Variants in CLIC4 observed in about 807,000 individuals in gnomAD.
CLIC4 encodes chloride intracellular channel protein 4.
Under a neutral mutation model 24.6 loss-of-function variants are expected in CLIC4, and 13 were observed. The observed-to-expected ratio is 0.53, with a 90% confidence interval of 0.34 to 0.84. The LOEUF (loss-of-function observed/expected upper bound fraction) is 0.84. Among genes scored for constraint, CLIC4 ranks in the 40% least tolerant of loss-of-function variants. The pLI is 0.01. For synonymous variants in CLIC4, 104 were observed against 111.3 expected, an observed-to-expected ratio of 0.93 and a Z score of 0.41; for missense variants, 227 against 301.7, an observed-to-expected ratio of 0.75 and a Z score of 1.83.
At chr1:24,821,934 T>C (rs1410491139) in intron 3 of CLIC4, among the ~76,000 whole-genome samples, 1 of 152,176 alleles carries the variant, frequency 6.6e-6, no homozygotes, top group Non-Finnish European at 1.5e-5. Flanking sequence ...TTAATAACAC[T>C]CAAGTACTAA....
In CLIC4 at chr1:24,843,328, G is replaced by A. The variant is rs1160498089; in HGVS notation, c.*2391G>A. 1.3e-5 allele frequency: 2 copies of A among 152,176 alleles called. No individual in the cohort carries two copies. The highest frequency in any genetic ancestry group is 3.8e-4 in the East Asian group (2 of 5,200). 9.4% of individuals were successfully genotyped at this position (152,176 alleles called of 1,614,324 possible). On this transcript the variant is annotated 3_prime_UTR_variant, in exon 6 of 6. Transcript: ENST00000374379. The stretch of plus-strand genomic sequence containing the variant: ...TGGAAAGAGCATAGTTTAACATCTT[G>A]AGAAATTTGGGACATAAAGTTTTCA...
intron 1 of CLIC4, among the ~76,000 whole-genome samples, chr1:24,751,302 C>T (rs767192485): frequency 1.2e-4 from 18 of 150,682 alleles, no homozygotes; most frequent in Non-Finnish European, 2.2e-4. Context: ...CTCTGTCTCC[C>T]GAGTTCAAGC....
chr1:24,774,206 G>A lies in CLIC4; in HGVS notation c.73-23536G>A, dbSNP rs1213755245. On this transcript the variant is annotated intron_variant, in intron 1 of 5. Transcript: ENST00000374379. ...GCCCAGGCTGGTCTTAAACTCCTGA[G>A]CTCAGGCAGTCCGCCTGCCTTGGCC... 3.9e-5 allele frequency among the ~76,000 whole-genome samples: 6 copies of A among 152,050 alleles called. No homozygotes were observed. In the East Asian group the frequency reaches 1.2e-3, roughly 30 times the overall value.
chr1:24,799,379 C>G (rs1012338176), intron 2 of CLIC4, among the ~76,000 whole-genome samples: 1 of 151,736 alleles, frequency 6.6e-6, no homozygotes, highest in Non-Finnish European at 1.5e-5. Context: ...GTCCGGCCGC[C>G]CCGTCTGAGA....
intron 1 of CLIC4, among the ~76,000 whole-genome samples, chr1:24,775,224 C>CTTTCTTTTTT (rs1639119913): frequency 1.1e-5 from 1 of 90,666 alleles, no homozygotes; most frequent in Non-Finnish European, 2.1e-5. Flanking sequence ...TTCTTTCTTT[C>CTTTCTTTTTT]TTTTTTTTTT....
intron 1 of CLIC4, among the ~76,000 whole-genome samples, chr1:24,772,511 A>C (rs1483902581): frequency 6.6e-6 from 1 of 152,200 alleles, no homozygotes; most frequent in Non-Finnish European, 1.5e-5. Context: ...AGAGAGACGG[A>C]GTCTTGCTCT....
chr1:24,841,915 G>A lies in CLIC4; in HGVS notation c.*978G>A, dbSNP rs1383206546. ...TAACACAGAAATTAACCTAAGGAAT[G>A]AAGGGTGGGTTTGTCAAAATATCAA... On this transcript the variant is annotated 3_prime_UTR_variant, in exon 6 of 6. Transcript: ENST00000374379. 6.6e-6 allele frequency: 1 copy of A among 152,624 alleles called. No homozygotes were observed. The highest frequency in any genetic ancestry group is 2.4e-5 in the African/African-American group (1 of 41,444). The allele number at this position is 152,624 out of a possible 1,614,324, so 9.5% of individuals were successfully genotyped here. A position where few individuals can be genotyped will look rare whatever the true frequency, so the allele number is the denominator to read the frequency against.
chr1:24,784,067 G>A (rs1051465556), intron 1 of CLIC4, among the ~76,000 whole-genome samples: 7 of 150,290 alleles, frequency 4.7e-5, no homozygotes, highest in African/African-American at 1.7e-4. Context: ...TATCTTCAGA[G>A]TTTTTCCACA....
intron 1 of CLIC4, among the ~76,000 whole-genome samples, chr1:24,795,943 C>T (rs542697740): frequency 7.9e-5 from 12 of 152,186 alleles, no homozygotes; most frequent in Middle Eastern, 3.4e-3. Context: ...CTTTGCCTTA[C>T]GAAGAATACT....
chr1:24,826,702 C>T (rs116350385), intron 3 of CLIC4, among the ~76,000 whole-genome samples: 1 of 152,188 alleles, frequency 6.6e-6, no homozygotes, highest in African/African-American at 2.4e-5. Flanking sequence ...TTCCAAGACT[C>T]CCATTGGCCT....
intron 1 of CLIC4, among the ~76,000 whole-genome samples, chr1:24,775,224 C>CTTTTTTTTTTTTTTTTTT: frequency 8.8e-5 from 8 of 90,664 alleles, no homozygotes; most frequent in Non-Finnish European, 1.2e-4. Context: ...TTCTTTCTTT[C>CTTTTTTTTTTTTTTTTTT]TTTTTTTTTT....
intron 1 of CLIC4, among the ~76,000 whole-genome samples, chr1:24,785,042 G>T (rs1571241975): frequency 6.8e-6 from 1 of 146,678 alleles, no homozygotes; most frequent in African/African-American, 2.5e-5. Context: ...GAATATCTTT[G>T]CTTTTTTCTA....
chr1:24,799,550 A>G (rs972410115), intron 2 of CLIC4, among the ~76,000 whole-genome samples: 1 of 150,094 alleles, frequency 6.7e-6, no homozygotes, highest in African/African-American at 2.5e-5. Context: ...CCCATCTGGG[A>G]AGTGAGGAGC....
intron 4 of CLIC4, among the ~76,000 whole-genome samples, chr1:24,830,578 A>G (rs1639830277): frequency 6.6e-6 from 1 of 152,112 alleles, no homozygotes; most frequent in Non-Finnish European, 1.5e-5. Context: ...TGTTCTCCAA[A>G]AGTCTATACC....
intron 1 of CLIC4, among the ~76,000 whole-genome samples, chr1:24,746,788 TACTTGAGTCCAGCCTGAAC>T (rs1638705235): frequency 6.6e-6 from 1 of 151,600 alleles, no homozygotes; most frequent in African/African-American, 2.4e-5. Flanking sequence ...GTGGGAGGAT[TACTTGAGTCCAGCCTGAAC>T]AAGATGGCGA....
intron 1 of CLIC4, 135 bp downstream of exon 1, chr1:24,745,760 C>A: frequency 1.6e-6 from 1 of 619,348 alleles, no homozygotes; most frequent in Non-Finnish European, 2.5e-6. Flanking sequence ...ACCCGCGCCC[C>A]CGGCCCATTG....
At chr1:24,786,320 A>G (rs534609557) in intron 1 of CLIC4, among the ~76,000 whole-genome samples, 57 of 152,402 alleles carry the variant, frequency 3.7e-4, no homozygotes, top group Admixed American at 1.0e-3. Context: ...ATCTTGACTT[A>G]GTAAAACATT....
chr1:24,801,313 T>C (rs1168866305), intron 2 of CLIC4, among the ~76,000 whole-genome samples: 3 of 152,158 alleles, frequency 2.0e-5, no homozygotes, highest in African/African-American at 7.2e-5. Flanking sequence ...CTCAGGAGAC[T>C]TACAAGTATG....
rs1336495334 is a variant in CLIC4, at chr1:24,757,291, A to G, written c.72+11666A>G. Among the ~76,000 whole-genome samples, 2 of 152,202 alleles carry G rather than the reference A, an allele frequency of 1.3e-5. 1 individual carries two copies. The highest frequency in any genetic ancestry group is 4.8e-5 in the African/African-American group (2 of 41,444). ...GGTGGTCTGCCTGCCTTGACCTCGC[A>G]AAGTGTTGGGATTACAGGCATGAGC... On this transcript the variant is annotated intron_variant, in intron 1 of 5. Transcript: ENST00000374379.
Sources: gnomAD v4.1 joint callset for allele counts (sites outside exome capture counted in the v4.1 genomes callset) on GRCh38, gnomAD v4.1.1 for gene constraint, MANE v1.5 for transcripts, NCBI Gene and HGNC (gene_info 2026-07-23, HGNC 2026-07-21) for gene names.